Variants in SLC25A21 observed in about 807,000 individuals in gnomAD.
The protein encoded by SLC25A21 is solute carrier family 25 member 21, also known as mitochondrial 2-oxodicarboxylate carrier.
In SLC25A21, 47 loss-of-function variants were observed where a neutral mutation model predicts 43.8. That is an observed-to-expected ratio of 1.07 (90% CI 0.85 to 1.37). The LOEUF is 1.37. Ranked by LOEUF, SLC25A21 falls within the 40% of genes most tolerant of loss-of-function variation. The pLI, the probability that SLC25A21 is intolerant of heterozygous loss-of-function variation, is 0.00. For synonymous variants in SLC25A21, 131 were observed against 121.3 expected (o/e 1.08, Z -0.52); for missense variants, 352 against 350.2 (o/e 1.00, Z -0.04).
chr14:37,071,415 A>G (rs1161578819), intron 1 of SLC25A21, among the ~76,000 whole-genome samples: 1 of 152,146 alleles, frequency 6.6e-6, no homozygotes, highest in Non-Finnish European at 1.5e-5. Context: ...CTTTTCAATG[A>G]GTTTATAGAA....
At position 36,874,996 on chromosome 14, in the gene SLC25A21, C is replaced by A. The variant is rs1890477540; in HGVS notation, c.79G>T (p.Glu27Ter). The change falls in exon 2 of 10, where the codon GAA becomes TAA. Residue 27 changes from glutamate (E) to a stop codon, truncating the protein, a stop_gained. Coordinates refer to ENST00000331299, the MANE Select transcript of SLC25A21 (RefSeq NM_030631.4). LOFTEE classifies it high-confidence loss of function. ...TCTAGGGGGTGCATCAGGCAAATTT[C>A]TACAAGACCTGAAAGATGATAAAGA... ...IVAGGSAGLV[E>*]ICLMHPLDVV... 2 of 1,598,714 alleles carry A rather than the reference C, an allele frequency of 1.3e-6. No homozygotes were observed. The highest frequency in any genetic ancestry group is 4.5e-5 in the East Asian group (2 of 44,304).
chr14:36,767,244 C>T (rs1886450691), intron 3 of SLC25A21, among the ~76,000 whole-genome samples: 1 of 152,124 alleles, frequency 6.6e-6, no homozygotes, highest in South Asian at 2.1e-4. Context: ...AAAAAGTGCT[C>T]AAAAAATTAA....
intron 1 of SLC25A21, among the ~76,000 whole-genome samples, chr14:37,043,124 G>A (rs1961510042): frequency 6.6e-6 from 1 of 152,150 alleles, no homozygotes; most frequent in Admixed American, 6.5e-5. Flanking sequence ...AAGTTCTGTT[G>A]TTTCCACCTT....
At chr14:36,924,768 A>C (rs1273000772) in intron 1 of SLC25A21, among the ~76,000 whole-genome samples, 1 of 152,224 alleles carries the variant, frequency 6.6e-6, no homozygotes, top group Non-Finnish European at 1.5e-5. Context: ...AACTATTTTC[A>C]GAGTATTTAC....
In SLC25A21 at chr14:37,079,630, C is replaced by T. The variant is rs1461271959; in HGVS notation, c.70+92651G>A. 2.0e-5 allele frequency among the ~76,000 whole-genome samples: 3 copies of T among 152,280 alleles called. No individual in the cohort carries two copies. In the East Asian group the frequency reaches 5.8e-4, roughly 29 times the overall value. On this transcript the variant is annotated intron_variant, in intron 1 of 9. Transcript: ENST00000331299. Reference sequence around the variant, plus strand: ...TTATCTTTATAATCCAGTCTAAATACCTTAACATGCCCTGAAAGACTCTTA... The same window carrying T: ...TTATCTTTATAATCCAGTCTAAATATCTTAACATGCCCTGAAAGACTCTTA...
intron 2 of SLC25A21, among the ~76,000 whole-genome samples, chr14:36,826,139 C>T (rs561407867): frequency 1.2e-4 from 19 of 152,280 alleles, no homozygotes; most frequent in African/African-American, 3.6e-4. Flanking sequence ...CATTACAATA[C>T]GAGACAAACA....
intron 3 of SLC25A21, among the ~76,000 whole-genome samples, chr14:36,788,222 G>C (rs991797753): frequency 6.6e-6 from 1 of 152,024 alleles, no homozygotes; most frequent in Non-Finnish European, 1.5e-5. Flanking sequence ...CAAATACTAT[G>C]AGCTTAATGG....
intron 1 of SLC25A21, among the ~76,000 whole-genome samples, chr14:36,935,949 G>A (rs1349187076): frequency 6.6e-6 from 1 of 152,112 alleles, no homozygotes; most frequent in Non-Finnish European, 1.5e-5. Flanking sequence ...ATTCTATTTG[G>A]TTTGAATGTC....
intron 1 of SLC25A21, among the ~76,000 whole-genome samples, chr14:37,107,547 G>A (rs986505579): frequency 2.0e-5 from 3 of 151,994 alleles, no homozygotes; most frequent in African/African-American, 7.2e-5. Flanking sequence ...TTATCAGGAT[G>A]AATATTCATA....
intron 7 of SLC25A21, among the ~76,000 whole-genome samples, chr14:36,695,679 A>T (rs1594495979): frequency 1.3e-5 from 2 of 152,168 alleles, no homozygotes; most frequent in South Asian, 4.1e-4. Flanking sequence ...AGCAATTGCA[A>T]ATGGGAGTTC....
chr14:37,170,897 C>G (rs1409241614), intron 1 of SLC25A21, among the ~76,000 whole-genome samples: 1 of 148,028 alleles, frequency 6.8e-6, no homozygotes, highest in African/African-American at 2.5e-5. Flanking sequence ...CCAGCCTGGG[C>G]AACATGGCGA....
chr14:36,834,691 C>T (rs1041990079), intron 2 of SLC25A21, among the ~76,000 whole-genome samples: 2 of 152,192 alleles, frequency 1.3e-5, no homozygotes, highest in African/African-American at 4.8e-5. Context: ...CACAGCCTCA[C>T]TTCCTTTTAC....
intron 1 of SLC25A21, among the ~76,000 whole-genome samples, chr14:37,123,754 C>T (rs960790924): frequency 6.6e-6 from 1 of 152,002 alleles, no homozygotes; most frequent in Non-Finnish European, 1.5e-5. Context: ...GGCATGGTGG[C>T]TCACACCTGT....
chr14:37,031,582 A>G (rs1044229108), intron 1 of SLC25A21, among the ~76,000 whole-genome samples: 1 of 152,194 alleles, frequency 6.6e-6, no homozygotes, highest in Non-Finnish European at 1.5e-5. Flanking sequence ...GAGATGTGAG[A>G]CAACTTCTCA....
At chr14:36,887,578 A>AAG (rs1890957722) in intron 1 of SLC25A21, among the ~76,000 whole-genome samples, 3 of 140,198 alleles carry the variant, frequency 2.1e-5, no homozygotes, top group African/African-American at 8.7e-5. Flanking sequence ...AAAAAAAAGG[A>AAG]AAAAAATTGT....
intron 2 of SLC25A21, among the ~76,000 whole-genome samples, chr14:36,819,473 T>C (rs1888557436): frequency 6.6e-6 from 1 of 152,194 alleles, no homozygotes; most frequent in African/African-American, 2.4e-5. Context: ...TATTTTAAAC[T>C]AGTCTGTGAC....
intron 2 of SLC25A21, among the ~76,000 whole-genome samples, chr14:36,822,016 G>T (rs1258303189): frequency 6.6e-6 from 1 of 152,198 alleles, no homozygotes; most frequent in Non-Finnish European, 1.5e-5. Flanking sequence ...ACAAGGTTAA[G>T]GGTTTGGGGG....
intron 3 of SLC25A21, among the ~76,000 whole-genome samples, chr14:36,740,219 G>T (rs1885197695): frequency 6.6e-6 from 1 of 152,184 alleles, no homozygotes. Flanking sequence ...GAGAACTATT[G>T]TTAAGAAATG....
intron 1 of SLC25A21, among the ~76,000 whole-genome samples, chr14:36,879,610 G>A (rs1154122): frequency 0.35 from 52,861 of 151,896 alleles, 9,611 homozygotes; most frequent in South Asian, 0.42. Flanking sequence ...ATAGCCCCTG[G>A]ATGCCCTGGC....
Sources: allele counts gnomAD v4.1 joint callset (sites outside exome capture counted in the v4.1 genomes callset), GRCh38; gene constraint gnomAD v4.1.1; transcripts MANE v1.5; gene names NCBI Gene and HGNC (gene_info 2026-07-23, HGNC 2026-07-21).